ELAVL4: variants seen among roughly 807,000 people sequenced by gnomAD.
The protein encoded by ELAVL4 is ELAV-like protein 4.
In ELAVL4, 1 loss-of-function variant was observed where a neutral mutation model predicts 35.6. The ratio of observed to expected loss-of-function variants is 0.03; its 90% CI spans 0.01 to 0.13. The LOEUF (loss-of-function observed/expected upper bound fraction) is 0.13, where lower values mean the gene tolerates loss of function less well. Ranked by LOEUF, ELAVL4 falls within the 10% of genes least tolerant of loss-of-function variation. The pLI is 1.00. For synonymous variants in ELAVL4, 156 were observed against 171.0 expected (o/e 0.91, Z 0.69); for missense variants, 267 against 464.9 (o/e 0.57, Z 3.91).
intron 3 of ELAVL4, among the ~76,000 whole-genome samples, chr1:50,186,899 A>G (rs1681914852): frequency 6.6e-6 from 1 of 152,226 alleles, no homozygotes; most frequent in African/African-American, 2.4e-5. Flanking sequence ...CTACATAAGC[A>G]GATGCCTGTC....
intron 1 of ELAVL4, among the ~76,000 whole-genome samples, chr1:50,090,584 G>A (rs1213908289): frequency 6.6e-6 from 1 of 152,104 alleles, no homozygotes; most frequent in African/African-American, 2.4e-5. Context: ...TTCAGCATGG[G>A]TCCATAGGAT....
At chr1:50,152,792 C>G (rs1675022952) in intron 2 of ELAVL4, among the ~76,000 whole-genome samples, 1 of 152,062 alleles carries the variant, frequency 6.6e-6, no homozygotes. Context: ...CAAAATTGAG[C>G]TTTGATAGGA....
chr1:50,127,794 C>A (rs190228959), intron 1 of ELAVL4, among the ~76,000 whole-genome samples: 25 of 152,180 alleles, frequency 1.6e-4, no homozygotes, highest in African/African-American at 5.3e-4. Context: ...GGAATTTAAA[C>A]CTGGGCAGTC....
upstream of ELAVL4, among the ~76,000 whole-genome samples, chr1:50,100,265 G>A (rs1404688090): frequency 6.6e-6 from 1 of 152,126 alleles, no homozygotes; most frequent in Non-Finnish European, 1.5e-5. Context: ...ATTAATTCTG[G>A]TTCCTTTTAT....
intron 1 of ELAVL4, among the ~76,000 whole-genome samples, chr1:50,068,680 A>G (rs1465939717): frequency 6.6e-6 from 1 of 152,222 alleles, no homozygotes; most frequent in Non-Finnish European, 1.5e-5. Context: ...AGGATATAGT[A>G]GGTGATTAAG....
chr1:50,105,431 C>T (rs542562055), upstream of ELAVL4, among the ~76,000 whole-genome samples: 23 of 152,206 alleles, frequency 1.5e-4, no homozygotes, highest in African/African-American at 2.9e-4. Flanking sequence ...TGTTTTGTTT[C>T]ATTTCCTTGC....
upstream of ELAVL4, chr1:50,105,979 G>T (rs1666266351): frequency 7.3e-6 from 2 of 272,602 alleles, no homozygotes; most frequent in Non-Finnish European, 1.4e-5. Context: ...TTTCTGGGCA[G>T]CATCTGTTTT....
chr1:50,159,567 C>G (rs1453586824), intron 2 of ELAVL4, among the ~76,000 whole-genome samples: 5 of 151,932 alleles, frequency 3.3e-5, no homozygotes, highest in Admixed American at 2.6e-4. Context: ...TGAGATCACA[C>G]CACTGCACTC....
chr1:50,174,702 A>G (rs1679682745), intron 2 of ELAVL4: 1 of 152,130 alleles, frequency 6.6e-6, no homozygotes, highest in South Asian at 2.1e-4. Flanking sequence ...GAATCTTCCT[A>G]GGACTTGAAT....
intron 1 of ELAVL4, among the ~76,000 whole-genome samples, chr1:50,097,810 A>T (rs560693100): frequency 6.6e-6 from 1 of 152,304 alleles, no homozygotes; most frequent in South Asian, 2.1e-4. Flanking sequence ...CATATCATGG[A>T]ATTGGCAAAC....
At chr1:50,105,934 C>T (rs1666263160), upstream of ELAVL4, 2 of 194,166 alleles carry the variant, frequency 1.0e-5, no homozygotes, top group Non-Finnish European at 2.1e-5. Flanking sequence ...CTTAATGCTG[C>T]TTTGTTAAAT....
At position 50,183,019 on chromosome 1, in the gene ELAVL4, G is replaced by A. The variant is rs370994536; in HGVS notation, c.354+5827G>A. Among the ~76,000 whole-genome samples the A allele has an allele frequency of 1.4e-4, 22 of 151,912 alleles. No homozygotes were observed. The East Asian group carries it at 3.1e-3, about 22-fold the overall frequency. On this transcript the variant is annotated intron_variant, in intron 3 of 6. Coordinates refer to ENST00000371824, the MANE Select transcript of ELAVL4 (RefSeq NM_001144774.3). Reference sequence around the variant, plus strand: ...ATTACAGGCACCTGCCACCACGCCCGGCTGATTTTTGTATTTTTAGTAGAG... The same window carrying A: ...ATTACAGGCACCTGCCACCACGCCCAGCTGATTTTTGTATTTTTAGTAGAG...
chr1:50,187,418 A>G (rs1682001090), intron 3 of ELAVL4, among the ~76,000 whole-genome samples: 1 of 152,206 alleles, frequency 6.6e-6, no homozygotes, highest in South Asian at 2.1e-4. Flanking sequence ...ACAGCTCTGT[A>G]ACAGAGCTTC....
At chr1:50,095,421 T>TA (rs1665679614) in intron 1 of ELAVL4, among the ~76,000 whole-genome samples, 1 of 151,506 alleles carries the variant, frequency 6.6e-6, no homozygotes, top group East Asian at 1.9e-4. Context: ...GCACTTGCTA[T>TA]AAAAAAGAAA....
chr1:50,138,647 G>A (rs891261398), intron 1 of ELAVL4, among the ~76,000 whole-genome samples: 1 of 152,088 alleles, frequency 6.6e-6, no homozygotes, highest in South Asian at 2.1e-4. Flanking sequence ...TGTATTTTTA[G>A]TAGAGGTGGG....
intron 1 of ELAVL4, among the ~76,000 whole-genome samples, chr1:50,131,617 G>A (rs1670865366): frequency 6.6e-6 from 1 of 151,904 alleles, no homozygotes; most frequent in Admixed American, 6.6e-5. Context: ...GTGAAAACCT[G>A]TCTCTACTAA....
chr1:50,171,424 C>A (rs986797286), intron 2 of ELAVL4, among the ~76,000 whole-genome samples: 1 of 152,194 alleles, frequency 6.6e-6, no homozygotes, highest in African/African-American at 2.4e-5. Flanking sequence ...TGACTTCAGA[C>A]AGATTATTTA....
At chr1:50,118,971 AG>A (rs1668457797) in intron 1 of ELAVL4, among the ~76,000 whole-genome samples, 1 of 121,560 alleles carries the variant, frequency 8.2e-6, no homozygotes. Flanking sequence ...AGAGGGAGGG[AG>A]GGAGGGAGGG....
At chr1:50,184,617 T>G (rs1016803203) in intron 3 of ELAVL4, among the ~76,000 whole-genome samples, 1 of 152,364 alleles carries the variant, frequency 6.6e-6, no homozygotes, top group East Asian at 1.9e-4. Flanking sequence ...TCACAATGGT[T>G]GCTTTTCTAT....
Sources: gnomAD v4.1 joint callset for allele counts (sites outside exome capture counted in the v4.1 genomes callset) on GRCh38, gnomAD v4.1.1 for gene constraint, MANE v1.5 for transcripts, NCBI Gene and HGNC (gene_info 2026-07-23, HGNC 2026-07-21) for gene names.